The following SEC22A variants were observed in gnomAD, a reference collection of about 807,000 sequenced individuals.
SEC22A encodes SEC22 homolog A, vesicle trafficking protein.
A neutral mutation model predicts 35.3 loss-of-function variants in SEC22A; 22 were observed. The ratio of observed to expected loss-of-function variants is 0.62; its 90% CI spans 0.45 to 0.89. SEC22A has a LOEUF of 0.89. Among genes scored for constraint, SEC22A ranks in the 40% least tolerant of loss-of-function variants. The probability of loss-of-function intolerance (pLI) is 0.00; values close to 1 mark genes in which losing one functional copy is unlikely to be tolerated. For synonymous variants in SEC22A, 119 were observed against 129.5 expected, an observed-to-expected ratio of 0.92 and a Z score of 0.55; for missense variants, 354 against 362.5, an observed-to-expected ratio of 0.98 and a Z score of 0.19.
intron 6 of SEC22A, among the ~76,000 whole-genome samples, chr3:123,270,060 C>T (rs1938124166): frequency 6.6e-6 from 1 of 152,108 alleles, no homozygotes; most frequent in African/African-American, 2.4e-5. Flanking sequence ...TGGGCAAAAT[C>T]TGAATAAAGT....
intron 6 of SEC22A, among the ~76,000 whole-genome samples, chr3:123,267,257 G>A (rs931843725): frequency 4.0e-5 from 6 of 151,324 alleles, no homozygotes; most frequent in Admixed American, 3.3e-4. Context: ...TGTAATTATG[G>A]ATATGTTAGG....
At chr3:123,211,715 C>T (rs1936941722) in intron 2 of SEC22A, among the ~76,000 whole-genome samples, 1 of 152,090 alleles carries the variant, frequency 6.6e-6, no homozygotes, top group Non-Finnish European at 1.5e-5. Context: ...TGCTTGGCCT[C>T]CCAAAGTACT....
chr3:123,247,316 A>G (rs531036845), intron 5 of SEC22A, among the ~76,000 whole-genome samples: 2 of 152,266 alleles, frequency 1.3e-5, no homozygotes, highest in African/African-American at 4.8e-5. Context: ...TTGGGTAGAG[A>G]AAATCTTGAC....
At chr3:123,261,107 T>C (rs1009520117) in intron 6 of SEC22A, among the ~76,000 whole-genome samples, 1 of 152,172 alleles carries the variant, frequency 6.6e-6, no homozygotes, top group African/African-American at 2.4e-5. Flanking sequence ...AGTGCTGGGA[T>C]TACAGGCGTG....
Position 123,209,117 on chromosome 3 carries a change from C to T in SEC22A, c.-19-82C>T. The stretch of plus-strand genomic sequence containing the variant: ...CATTTTAATTACTATTCTTATATTA[C>T]TAGTAAGTTGAACATTTTTACATAT... On this transcript the variant is annotated intron_variant, in intron 1 of 6. Transcript: ENST00000492595. The T allele has an allele frequency of 2.8e-6, 3 of 1,057,866 alleles. No homozygotes were observed. The South Asian group carries it at 3.9e-5, about 14-fold the overall frequency. 65.5% of individuals were successfully genotyped at this position (1,057,866 alleles called of 1,614,324 possible).
At chr3:123,237,262 T>C (rs996348565) in intron 4 of SEC22A, among the ~76,000 whole-genome samples, 2 of 152,220 alleles carry the variant, frequency 1.3e-5, no homozygotes, top group East Asian at 3.8e-4. Context: ...CTGATATCTT[T>C]ATCAGGTAAA....
At chr3:123,266,373 C>T (rs1938026666) in intron 6 of SEC22A, among the ~76,000 whole-genome samples, 1 of 151,972 alleles carries the variant, frequency 6.6e-6, no homozygotes, top group African/African-American at 2.4e-5. Context: ...GAAGTAGGAG[C>T]TTACATGATT....
chr3:123,268,736 C>T (rs1041218015), intron 6 of SEC22A, among the ~76,000 whole-genome samples: 8 of 152,248 alleles, frequency 5.3e-5, no homozygotes, highest in Admixed American at 5.2e-4. Flanking sequence ...GATTCCTATT[C>T]AGATTATTTC....
chr3:123,203,138 G>T (rs1007371253), intron 1 of SEC22A, among the ~76,000 whole-genome samples: 4 of 135,890 alleles, frequency 2.9e-5, no homozygotes, highest in Non-Finnish European at 6.1e-5. Context: ...ATATGAAAGA[G>T]GCCTAGGTCT....
At chr3:123,264,625 AT>A (rs369549384) in intron 6 of SEC22A, among the ~76,000 whole-genome samples, 26,642 of 133,072 alleles carry the variant, frequency 0.2, 2,307 homozygotes, top group Middle Eastern at 0.3. Flanking sequence ...ACATCTTTTG[AT>A]TTTTTTTTTT....
intron 5 of SEC22A, among the ~76,000 whole-genome samples, chr3:123,256,981 G>T (rs1489501112): frequency 6.6e-6 from 1 of 151,914 alleles, no homozygotes; most frequent in Non-Finnish European, 1.5e-5. Context: ...GGATGGTCTC[G>T]ATATCCTGAC....
Position 123,223,612 on chromosome 3 carries a change from C to A in SEC22A, c.236C>A (p.Pro79Gln), listed in dbSNP as rs774306414. 3.1e-6 allele frequency: 5 copies of A among 1,613,558 alleles called. No individual in the cohort carries two copies. The Admixed American group carries it at 8.3e-5, about 27-fold the overall frequency. Reference protein sequence around the residue: ...SYMMLCTENYPNVLAFSFLDE... With the variant: ...SYMMLCTENYQNVLAFSFLDE... ...ATGATGTTGTGCACTGAAAATTACC[C>A]AAATGTTCTCGCCTTCTCTTTCCTG... The change falls in exon 3 of 7, where the codon CCA becomes CAA. Residue 79 changes from proline to glutamine, a missense_variant. Physicochemically the swap from Pro to Gln is moderately conservative, Grantham distance 76. Transcript: ENST00000492595.
chr3:123,235,699 A>G (rs1339287161), intron 4 of SEC22A, among the ~76,000 whole-genome samples: 1 of 152,240 alleles, frequency 6.6e-6, no homozygotes, highest in African/African-American at 2.4e-5. Context: ...AGAAATGCAA[A>G]CATATGTCCA....
chr3:123,250,340 G>C (rs868502683), intron 5 of SEC22A, among the ~76,000 whole-genome samples: 3 of 152,140 alleles, frequency 2.0e-5, no homozygotes, highest in Admixed American at 1.3e-4. Context: ...AACCTGGAAG[G>C]TGGAGGTTGC....
At chr3:123,263,329 A>G (rs1487180350) in intron 6 of SEC22A, among the ~76,000 whole-genome samples, 1 of 152,170 alleles carries the variant, frequency 6.6e-6, no homozygotes, top group Non-Finnish European at 1.5e-5. Flanking sequence ...CTGCCTTCTC[A>G]GTATATCCTC....
intron 1 of SEC22A, among the ~76,000 whole-genome samples, chr3:123,203,053 CTTTTT>C (rs779433710): frequency 0.014 from 612 of 43,864 alleles, 66 homozygotes; most frequent in African/African-American, 0.029. Flanking sequence ...TGTTTAGTGC[CTTTTT>C]TTTTTTTTTT....
chr3:123,233,930 C>T (rs527687459), intron 4 of SEC22A, among the ~76,000 whole-genome samples: 15 of 152,204 alleles, frequency 9.9e-5, no homozygotes, highest in South Asian at 2.1e-4. Context: ...TCACATATGA[C>T]GTAATCTTTT....
intron 5 of SEC22A, among the ~76,000 whole-genome samples, chr3:123,256,801 C>T (rs1317134801): frequency 1.4e-5 from 2 of 147,130 alleles, no homozygotes; most frequent in African/African-American, 5.1e-5. Flanking sequence ...GCTCTGTCAC[C>T]CAGGCTGGAG....
intron 1 of SEC22A, 26 bp from the exon 2 acceptor site, chr3:123,209,173 A>G (rs1936897167): frequency 6.3e-7 from 1 of 1,585,566 alleles, no homozygotes; most frequent in South Asian, 1.1e-5. Flanking sequence ...ATTTTTATGT[A>G]ACCCAAATTG....
Sources: allele counts gnomAD v4.1 joint callset (sites outside exome capture counted in the v4.1 genomes callset), GRCh38; gene constraint gnomAD v4.1.1; transcripts MANE v1.5; gene names NCBI Gene and HGNC (gene_info 2026-07-23, HGNC 2026-07-21).